Variants in TBCK observed in about 807,000 individuals in gnomAD.
The protein encoded by TBCK is TBC1 domain containing kinase, also known as TBC domain-containing protein kinase-like protein.
Under a neutral mutation model 113.4 loss-of-function variants are expected in TBCK, and 99 were observed. The observed-to-expected ratio is 0.87, with a 90% CI of 0.74 to 1.03. The LOEUF is 1.03. TBCK is among the 50% of genes least tolerant of loss of function. The pLI is 0.00. For missense variants in TBCK, 1,045 were observed against 1,061.3 expected, an observed-to-expected ratio of 0.98 and a Z score of 0.21; for synonymous variants, 369 against 370.8, an observed-to-expected ratio of 1.00 and a Z score of 0.05.
At chr4:106,117,869 C>A (rs931767539) in intron 23 of TBCK, among the ~76,000 whole-genome samples, 1 of 151,868 alleles carries the variant, frequency 6.6e-6, no homozygotes, top group Non-Finnish European at 1.5e-5. Context: ...ATTAGCCGGG[C>A]GTGGCAGTGG....
intron 3 of TBCK, among the ~76,000 whole-genome samples, chr4:106,276,874 TATAAAATAA>T (rs1764082460): frequency 6.6e-6 from 1 of 151,560 alleles, no homozygotes; most frequent in African/African-American, 2.4e-5. Flanking sequence ...GAGACTCCAT[TATAAAATAA>T]ATAAAATAAA....
intron 24 of TBCK, among the ~76,000 whole-genome samples, chr4:106,102,135 T>C (rs1464943892): frequency 6.6e-6 from 1 of 152,226 alleles, no homozygotes; most frequent in African/African-American, 2.4e-5. Context: ...GGCTTTAATA[T>C]TAAGAGTTTA....
At chr4:106,062,654 G>C (rs149120371) in intron 25 of TBCK, among the ~76,000 whole-genome samples, 2 of 152,016 alleles carry the variant, frequency 1.3e-5, no homozygotes, top group East Asian at 3.9e-4. Flanking sequence ...TTCAGCCACA[G>C]ACATTCCTGT....
intron 22 of TBCK, among the ~76,000 whole-genome samples, chr4:106,189,354 A>AG (rs1560788638): frequency 2.2e-5 from 3 of 134,270 alleles, no homozygotes; most frequent in African/African-American, 5.7e-5. Flanking sequence ...AAAAAAAAAA[A>AG]AAAAAGAAAA....
intron 22 of TBCK, among the ~76,000 whole-genome samples, chr4:106,171,873 T>G (rs1751070302): frequency 6.6e-6 from 1 of 152,090 alleles, no homozygotes; most frequent in Admixed American, 6.5e-5. Flanking sequence ...TTCTGTCTCC[T>G]AGGCTGGAGT....
In TBCK at chr4:106,212,750, A is replaced by C; in HGVS notation, c.1860T>G (p.Asp620Glu). Residue 620 changes from aspartate (D) to glutamate (E), a missense_variant and splice_region_variant, in exon 20 of 26, where the codon GAT becomes GAG. Asp to Glu is a conservative substitution (Grantham distance 45, BLOSUM62 2). Transcript: ENST00000394708. ...NHLNEIGFIP[D>E]LYAIPWFLTM... The stretch of plus-strand genomic sequence containing the variant: ...TTCTATTAATGCACCAAGTACTTAC[A>C]TCTGGAATGAAACCAATCTCATTGA... 1 of 1,601,866 alleles carries C rather than the reference A, an allele frequency of 6.2e-7. No individual in the cohort carries two copies. The highest frequency in any genetic ancestry group is 8.5e-7 in the Non-Finnish European group (1 of 1,170,846).
At chr4:106,120,691 C>A (rs1560677034) in intron 23 of TBCK, among the ~76,000 whole-genome samples, 1 of 152,180 alleles carries the variant, frequency 6.6e-6, no homozygotes, top group Non-Finnish European at 1.5e-5. Flanking sequence ...GGGAGGCACC[C>A]CCCAGCAGGG....
intron 12 of TBCK, chr4:106,237,376 A>T: frequency 3.0e-6 from 1 of 338,028 alleles, no homozygotes; most frequent in South Asian, 2.3e-5. Context: ...GTTGTTCCAA[A>T]TAACAACCCT....
chr4:106,066,223 T>A (rs1445398873), intron 25 of TBCK, among the ~76,000 whole-genome samples: 1 of 152,024 alleles, frequency 6.6e-6, no homozygotes, highest in South Asian at 2.1e-4. Flanking sequence ...TTTCTGCATA[T>A]CTGTATGACA....
intron 23 of TBCK, among the ~76,000 whole-genome samples, chr4:106,118,710 G>A (rs1348382789): frequency 6.6e-6 from 1 of 152,230 alleles, no homozygotes; most frequent in East Asian, 1.9e-4. Flanking sequence ...TCACCTGAGT[G>A]AAAAGAGTGC....
chr4:106,261,972 C>T, intron 4 of TBCK, 126 bp downstream of exon 4: 2 of 438,666 alleles, frequency 4.6e-6, no homozygotes, highest in Non-Finnish European at 7.9e-6. Context: ...TTCATATAGA[C>T]TTTTCATTAT....
chr4:106,282,609 C>A (rs1764715791), intron 3 of TBCK, among the ~76,000 whole-genome samples: 1 of 151,896 alleles, frequency 6.6e-6, no homozygotes, highest in Admixed American at 6.6e-5. Context: ...TTTCATTATC[C>A]ATTCCATTAT....
intron 24 of TBCK, among the ~76,000 whole-genome samples, chr4:106,099,103 G>A (rs1578887197): frequency 6.6e-6 from 1 of 152,108 alleles, no homozygotes; most frequent in Non-Finnish European, 1.5e-5. Context: ...AAGTAGATAT[G>A]CTGTACTTCA....
rs538367825 is a variant in TBCK at position 106,085,050 on chromosome 4, T to C, written c.2571+10432A>G. Among the ~76,000 whole-genome samples the C allele has an allele frequency of 9.2e-5, 14 of 152,130 alleles. 1 individual carries two copies. The highest frequency in any genetic ancestry group is 3.1e-4 in the African/African-American group (13 of 41,516). ...GAAACTGCATCAACTAGTATGCAAA[T>C]TAACCAAATAGCATCATGATGACAG... On this transcript the variant is annotated intron_variant, in intron 25 of 25. Transcript: ENST00000394708.
chr4:106,239,419 T>C (rs1270681397), intron 12 of TBCK, among the ~76,000 whole-genome samples: 11 of 152,100 alleles, frequency 7.2e-5, no homozygotes, highest in African/African-American at 2.7e-4. Context: ...ATTCCTTCAT[T>C]TAGTTATTAT....
intron 25 of TBCK, among the ~76,000 whole-genome samples, chr4:106,072,550 T>C (rs1163478808): frequency 6.6e-6 from 1 of 152,224 alleles, no homozygotes; most frequent in Non-Finnish European, 1.5e-5. Flanking sequence ...ATTTTAACCT[T>C]GGTTAATCCG....
intron 10 of TBCK, among the ~76,000 whole-genome samples, chr4:106,246,287 C>T (rs1205041901): frequency 6.6e-6 from 1 of 152,140 alleles, no homozygotes; most frequent in Non-Finnish European, 1.5e-5. Flanking sequence ...ATACCAGGAA[C>T]TCAATAAATG....
chr4:106,275,265 TAA>T (rs1350429853), intron 3 of TBCK, among the ~76,000 whole-genome samples: 8 of 152,280 alleles, frequency 5.3e-5, no homozygotes, highest in East Asian at 3.9e-4. Flanking sequence ...ATTAGAAATA[TAA>T]GAGTACCTAA....
At chr4:106,155,341 A>C (rs1749001501) in intron 23 of TBCK, among the ~76,000 whole-genome samples, 2 of 152,058 alleles carry the variant, frequency 1.3e-5, no homozygotes, top group Non-Finnish European at 2.9e-5. Flanking sequence ...GTCTTCTTTG[A>C]ATCAAATGTG....
Sources: gnomAD v4.1 joint callset for allele counts (sites outside exome capture counted in the v4.1 genomes callset) on GRCh38, gnomAD v4.1.1 for gene constraint, MANE v1.5 for transcripts, NCBI Gene and HGNC (gene_info 2026-07-23, HGNC 2026-07-21) for gene names.